Variants in TENM2 observed in about 807,000 individuals in gnomAD.
TENM2 encodes teneurin-2.
In TENM2, 52 loss-of-function variants were observed where a neutral mutation model predicts 245.2. The observed-to-expected ratio is 0.21, with a 90% CI of 0.17 to 0.27. The LOEUF is 0.27. Ranked by LOEUF, TENM2 falls within the 10% of genes least tolerant of loss-of-function variation. The pLI, the probability that TENM2 is intolerant of heterozygous loss-of-function variation, is 1.00. For missense variants in TENM2, 3,046 were observed against 3,666.8 expected (o/e 0.83, Z 4.37); for synonymous variants, 1,363 against 1,438.9 (o/e 0.95, Z 1.19).
chr5:166,989,364 A>C, the TENM2 span, among the ~76,000 whole-genome samples: 3 of 140,622 alleles, frequency 2.1e-5, no homozygotes, highest in African/African-American at 5.4e-5. Flanking sequence ...GGTTCAAGTG[A>C]TTCTCCTGCC....
intron 2 of TENM2, among the ~76,000 whole-genome samples, chr5:167,704,705 T>C (rs1197047577): frequency 6.6e-6 from 1 of 152,212 alleles, no homozygotes; most frequent in Non-Finnish European, 1.5e-5. Context: ...TTATGTGGGT[T>C]AACTGGTTTT....
the TENM2 span, among the ~76,000 whole-genome samples, chr5:167,254,197 G>A: frequency 6.6e-6 from 1 of 152,164 alleles, no homozygotes; most frequent in East Asian, 1.9e-4. Context: ...GTTATAGTGT[G>A]CAGAACCAGG....
chr5:167,173,567 T>G, the TENM2 span, among the ~76,000 whole-genome samples: 1 of 152,148 alleles, frequency 6.6e-6, no homozygotes, highest in African/African-American at 2.4e-5. Flanking sequence ...CAGGAGCATG[T>G]TGGAACCTTG....
chr5:168,134,908 T>A (rs1754912763), intron 12 of TENM2, among the ~76,000 whole-genome samples: 1 of 152,204 alleles, frequency 6.6e-6, no homozygotes. Flanking sequence ...CCAGATGGCC[T>A]CATTGACTGT....
chr5:167,874,598 T>C (rs1433472112), intron 2 of TENM2, among the ~76,000 whole-genome samples: 1 of 152,198 alleles, frequency 6.6e-6, no homozygotes, highest in Admixed American at 6.5e-5. Flanking sequence ...ACATGTGCCA[T>C]GGGTTGCTTC....
chr5:167,802,544 T>A (rs1765859211), intron 2 of TENM2, among the ~76,000 whole-genome samples: 1 of 152,158 alleles, frequency 6.6e-6, no homozygotes, highest in Non-Finnish European at 1.5e-5. Context: ...AAATGTGTGA[T>A]CCTCTTAGAT....
rs576000868 is a variant in TENM2, at chr5:167,860,957, G to C, written c.503-15029G>C. 2.5e-5 allele frequency among the ~76,000 whole-genome samples: 3 copies of C among 121,356 alleles called. 1 individual carries two copies. In the South Asian group the frequency reaches 9.8e-4, roughly 40 times the overall value. The allele number at this position is 121,356 out of a possible 152,430, so 79.6% of individuals were successfully genotyped here. A position where few individuals can be genotyped will look rare whatever the true frequency, so the allele number is the denominator to read the frequency against. The stretch of plus-strand genomic sequence containing the variant: ...GAAAACCAGAGACCTTTGTTCACTT[G>C]TTTATCTGCTGACCTTCCCTCCACT... On this transcript the variant is annotated intron_variant, in intron 2 of 28. Coordinates refer to ENST00000518659, the Ensembl canonical transcript of TENM2.
chr5:167,532,029 G>A (rs1300721434), intron 2 of TENM2, among the ~76,000 whole-genome samples: 2 of 151,948 alleles, frequency 1.3e-5, no homozygotes, highest in South Asian at 2.1e-4. Context: ...CTTCAAACAC[G>A]GATATTAAGC....
chr5:168,105,942 C>G lies in TENM2; in HGVS notation c.1813+7815C>G, dbSNP rs146545760. 2.6e-5 allele frequency among the ~76,000 whole-genome samples: 4 copies of G among 152,200 alleles called. No homozygotes were observed. In the East Asian group the frequency reaches 7.7e-4, roughly 29 times the overall value. On this transcript the variant is annotated intron_variant, in intron 9 of 28. Coordinates refer to ENST00000518659, the Ensembl canonical transcript of TENM2. ...GTGAAGGCTTTAACTTCAGGTGCTTCCTCGGATTGTTTGTAAAGCAGCCTT... is the reference window on the plus strand; with the variant it reads ...GTGAAGGCTTTAACTTCAGGTGCTTGCTCGGATTGTTTGTAAAGCAGCCTT...
At chr5:167,926,627 A>G (rs909220602) in intron 3 of TENM2, among the ~76,000 whole-genome samples, 7 of 151,628 alleles carry the variant, frequency 4.6e-5, no homozygotes, top group African/African-American at 1.7e-4. Context: ...ACGCTGAGGC[A>G]GGAGAATCGC....
intron 27 of TENM2, among the ~76,000 whole-genome samples, chr5:168,253,268 A>G (rs796545093): frequency 2.0e-5 from 3 of 149,584 alleles, no homozygotes; most frequent in African/African-American, 7.4e-5. Flanking sequence ...CGCCTGGCAG[A>G]GCCACAATTT....
intron 2 of TENM2, among the ~76,000 whole-genome samples, chr5:167,512,290 T>G (rs1267758461): frequency 6.6e-6 from 1 of 152,196 alleles, no homozygotes; most frequent in Non-Finnish European, 1.5e-5. Flanking sequence ...TTGAGTAACA[T>G]GCCTTAGTCA....
At chr5:167,109,930 G>T in the TENM2 span, among the ~76,000 whole-genome samples, 13 of 152,152 alleles carry the variant, frequency 8.5e-5, no homozygotes, top group Non-Finnish European at 1.9e-4. Flanking sequence ...TGGCCATATG[G>T]TGTAATCTCA....
intron 2 of TENM2, among the ~76,000 whole-genome samples, chr5:167,861,039 TAAAAAAAAAAATTAAAAAAA>T (rs1452679009): frequency 5.2e-4 from 65 of 125,092 alleles, no homozygotes; most frequent in African/African-American, 1.8e-3. Flanking sequence ...GAATTATCAA[TAAAAAAAAAAATTAAAAAAA>T]AAAAAAAAAG....
At chr5:167,998,834 G>A (rs531989992) in intron 5 of TENM2, among the ~76,000 whole-genome samples, 14 of 152,230 alleles carry the variant, frequency 9.2e-5, no homozygotes, top group African/African-American at 2.6e-4. Flanking sequence ...CAACATGTCA[G>A]GATGTTAAAA....
chr5:166,998,310 T>TC, the TENM2 span, among the ~76,000 whole-genome samples: 1 of 152,160 alleles, frequency 6.6e-6, no homozygotes. Context: ...AAGGAGATTT[T>TC]CCATTTTATT....
the TENM2 span, among the ~76,000 whole-genome samples, chr5:167,209,606 A>G: frequency 1.3e-5 from 2 of 152,128 alleles, no homozygotes; most frequent in Non-Finnish European, 2.9e-5. Context: ...TAAGGTTCCC[A>G]ATTTAAGGCA....
chr5:167,032,437 A>G, the TENM2 span, among the ~76,000 whole-genome samples: 37 of 152,290 alleles, frequency 2.4e-4, no homozygotes, highest in Admixed American at 2.4e-3. Context: ...GGGGGTGAGA[A>G]ACCTAGAAAG....
At chr5:168,088,088 G>A (rs1320475337) in intron 7 of TENM2, 1 of 152,224 alleles carries the variant, frequency 6.6e-6, no homozygotes, top group Non-Finnish European at 1.5e-5. Flanking sequence ...CCCTTGGCTG[G>A]TCAGGCGGTT....
Sources: allele counts gnomAD v4.1 joint callset (sites outside exome capture counted in the v4.1 genomes callset), GRCh38; gene constraint gnomAD v4.1.1; transcripts MANE v1.5; gene names NCBI Gene and HGNC (gene_info 2026-07-23, HGNC 2026-07-21).